The following SIPA1L1 variants were observed in gnomAD, a reference collection of about 807,000 sequenced individuals.
The protein encoded by SIPA1L1 is signal induced proliferation associated 1 like 1, also known as signal-induced proliferation-associated 1-like protein 1.
Under a neutral mutation model 162.7 loss-of-function variants are expected in SIPA1L1, and 26 were observed. That is an observed-to-expected ratio of 0.16 (90% CI 0.12 to 0.22). SIPA1L1 has a LOEUF of 0.22. Ranked by LOEUF, SIPA1L1 falls within the 10% of genes least tolerant of loss-of-function variation. The pLI, the probability that SIPA1L1 is intolerant of heterozygous loss-of-function variation, is 1.00. For missense variants in SIPA1L1, 1,874 were observed against 2,241.0 expected, an observed-to-expected ratio of 0.84 and a Z score of 3.31; for synonymous variants, 829 against 837.4, an observed-to-expected ratio of 0.99 and a Z score of 0.17.
At chr14:71,714,399 A>G (rs2083105878) in intron 17 of SIPA1L1, among the ~76,000 whole-genome samples, 1 of 152,220 alleles carries the variant, frequency 6.6e-6, no homozygotes. Flanking sequence ...CCATTCATTC[A>G]GTTGATGTAG....
intron 5 of SIPA1L1, among the ~76,000 whole-genome samples, chr14:71,600,792 C>T (rs1191301900): frequency 2.0e-5 from 3 of 152,062 alleles, no homozygotes; most frequent in African/African-American, 7.2e-5. Flanking sequence ...TCTTTTACAA[C>T]TTTGGTTTAA....
At chr14:71,418,925 A>T (rs1208081509) in intron 2 of SIPA1L1, among the ~76,000 whole-genome samples, 1 of 152,182 alleles carries the variant, frequency 6.6e-6, no homozygotes, top group Non-Finnish European at 1.5e-5. Flanking sequence ...AAGCAGGAGA[A>T]TGTAGCGTTG....
chr14:71,493,380 A>G (rs185056889), intron 2 of SIPA1L1, among the ~76,000 whole-genome samples: 7 of 152,244 alleles, frequency 4.6e-5, no homozygotes, highest in East Asian at 3.9e-4. Context: ...GGTGTGAGCT[A>G]TTGCACCTGG....
intron 10 of SIPA1L1, among the ~76,000 whole-genome samples, chr14:71,662,359 C>T (rs1359777571): frequency 6.6e-6 from 1 of 152,232 alleles, no homozygotes. Context: ...TGTCACCATC[C>T]TTGCACATAT....
At chr14:71,544,112 T>C (rs549540600) in intron 4 of SIPA1L1, among the ~76,000 whole-genome samples, 66 of 144,662 alleles carry the variant, frequency 4.6e-4, no homozygotes, top group Non-Finnish European at 5.8e-4. Context: ...TGTATGTATA[T>C]ACACATATAT....
At chr14:71,461,168 G>A (rs2046573393) in intron 2 of SIPA1L1, among the ~76,000 whole-genome samples, 1 of 152,162 alleles carries the variant, frequency 6.6e-6, no homozygotes, top group African/African-American at 2.4e-5. Flanking sequence ...ATGAACCTCT[G>A]CCCTTTCCGT....
At chr14:71,618,698 T>A in intron 5 of SIPA1L1, 59 bp from the exon 6 acceptor site, 1 of 1,512,926 alleles carries the variant, frequency 6.6e-7, no homozygotes. Context: ...GAGCAGAATG[T>A]AACATTTTCA....
At chr14:71,479,759 C>G (rs2048196673) in intron 2 of SIPA1L1, among the ~76,000 whole-genome samples, 2 of 151,916 alleles carry the variant, frequency 1.3e-5, no homozygotes, top group African/African-American at 4.8e-5. Context: ...ACAGGGTCTC[C>G]CTCTGTCACC....
chr14:71,367,164 G>A (rs1285793949), intron 2 of SIPA1L1, among the ~76,000 whole-genome samples: 3 of 151,904 alleles, frequency 2.0e-5, no homozygotes, highest in East Asian at 1.9e-4. Flanking sequence ...GCATGTCTTC[G>A]ATCATTCCAT....
At chr14:71,573,639 A>G (rs1185806971) in intron 4 of SIPA1L1, 3 of 456,636 alleles carry the variant, frequency 6.6e-6, no homozygotes, top group South Asian at 1.5e-5. Flanking sequence ...TTCAACAACT[A>G]TGCATTTCCA....
rs766290214 is a variant in SIPA1L1, at chr14:71,709,340, A to G, written c.3884A>G (p.Tyr1295Cys). The G allele has an allele frequency of 2.5e-6, 4 of 1,614,138 alleles. No homozygotes were observed. The highest frequency in any genetic ancestry group is 2.5e-6 in the Non-Finnish European group (3 of 1,180,062). ...CGCACAGAATCCGAACTCAACAGCT[A>G]TAACTATCTGCAAGGCACCTCTGCT... Reference protein sequence around the residue: ...GDRTESELNSYNYLQGTSADS... With the variant: ...GDRTESELNSCNYLQGTSADS... The change falls in exon 17 of 24, where the codon TAT becomes TGT. Residue 1295 changes from tyrosine (Y) to cysteine (C), a missense_variant. Physicochemically the swap from Tyr to Cys is radical, Grantham distance 194. Around this residue, in one of 5 missense-constraint regions of SIPA1L1, gnomAD observed 936 missense variants for 1,051.9 expected, o/e 0.89. Transcript: ENST00000381232.
chr14:71,487,203 G>A (rs979701508), intron 2 of SIPA1L1, among the ~76,000 whole-genome samples: 2 of 152,092 alleles, frequency 1.3e-5, no homozygotes, highest in Admixed American at 6.5e-5. Flanking sequence ...TTTCACATGC[G>A]TGCTGTTTTC....
chr14:71,622,199 ATC>A (rs1416572180), intron 6 of SIPA1L1, among the ~76,000 whole-genome samples: 1 of 152,234 alleles, frequency 6.6e-6, no homozygotes, highest in Non-Finnish European at 1.5e-5. Context: ...ATACAAACAA[ATC>A]TCTTTCATTT....
intron 4 of SIPA1L1, among the ~76,000 whole-genome samples, chr14:71,543,950 T>TACGCACATGTATGTATATATACACAC (rs1567179247): frequency 1.3e-5 from 2 of 150,004 alleles, no homozygotes; most frequent in Non-Finnish European, 3.0e-5. Flanking sequence ...TATATACATA[T>TACGCACATGTATGTATATATACACAC]ACGCACATGT....
intron 6 of SIPA1L1, among the ~76,000 whole-genome samples, chr14:71,619,353 C>T (rs543780118): frequency 3.3e-5 from 5 of 152,122 alleles, no homozygotes; most frequent in African/African-American, 1.2e-4. Flanking sequence ...TGACTTCTTC[C>T]ACTATCTTTG....
rs561695282 is a variant in SIPA1L1, at chr14:71,332,603, G to GAT, written c.-465+11424_-465+11425dup. Reference sequence around the variant, plus strand: ...TGGTTAAGATTTTCCTGAGGACCCAGATAGGGTTTTTAAATCTTGGTTTCT... The same window carrying GAT: ...TGGTTAAGATTTTCCTGAGGACCCAGATATAGGGTTTTTAAATCTTGGTTTCT... On this transcript the variant is annotated intron_variant, in intron 2 of 23. Transcript: ENST00000381232. Among the ~76,000 whole-genome samples, 176 of 152,300 alleles carry GAT rather than the reference G, an allele frequency of 1.2e-3. 2 individuals carry two copies. Among genetic ancestry groups the GAT allele is most frequent in the Non-Finnish European group, 5.0e-4 (34 of 68,022 alleles).
chr14:71,395,413 C>T (rs936597921), intron 2 of SIPA1L1, among the ~76,000 whole-genome samples: 2 of 152,034 alleles, frequency 1.3e-5, no homozygotes, highest in Admixed American at 6.6e-5. Context: ...TAAATCCTAG[C>T]GTTTTGGGAG....
intron 6 of SIPA1L1, among the ~76,000 whole-genome samples, chr14:71,620,707 T>C (rs181505788): frequency 6.3e-4 from 96 of 152,224 alleles, no homozygotes; most frequent in Admixed American, 1.2e-3. Context: ...CCAGCCCCTG[T>C]CTCCTACCTA....
chr14:71,373,222 A>G (rs1324882848), intron 2 of SIPA1L1, among the ~76,000 whole-genome samples: 1 of 151,654 alleles, frequency 6.6e-6, no homozygotes, highest in Admixed American at 6.6e-5. Flanking sequence ...GAGGCAGGAG[A>G]ATCACTTGAA....
Sources: gnomAD v4.1 joint callset for allele counts (sites outside exome capture counted in the v4.1 genomes callset) on GRCh38, gnomAD v4.1.1 for gene constraint, gnomAD v4.1.1 regional missense constraint, MANE v1.5 for transcripts, NCBI Gene and HGNC (gene_info 2026-07-23, HGNC 2026-07-21) for gene names.